The following CCDC171 variants were observed in gnomAD, a reference collection of about 807,000 sequenced individuals.
CCDC171 encodes the protein coiled-coil domain containing 171.
A neutral mutation model predicts 168.2 loss-of-function variants in CCDC171; 177 were observed. The ratio of observed to expected loss-of-function variants is 1.05; its 90% CI spans 0.93 to 1.19. CCDC171 has a LOEUF of 1.19. Among genes scored for constraint, CCDC171 ranks in the 50% most tolerant of loss-of-function variants. The pLI is 0.00. For missense variants in CCDC171, 1,991 were observed against 1,539.0 expected, an observed-to-expected ratio of 1.29 and a Z score of -4.91; for synonymous variants, 687 against 540.8, an observed-to-expected ratio of 1.27 and a Z score of -3.75.
chr9:15,732,234 T>A (rs1414909175), intron 16 of CCDC171, among the ~76,000 whole-genome samples: 1 of 152,126 alleles, frequency 6.6e-6, no homozygotes, highest in Admixed American at 6.6e-5. Flanking sequence ...TATTTGTTTA[T>A]ATATGTGAAA....
At chr9:15,608,899 A>G (rs2043423678) in intron 6 of CCDC171, among the ~76,000 whole-genome samples, 1 of 123,182 alleles carries the variant, frequency 8.1e-6, no homozygotes. Context: ...TCAAGGCTGC[A>G]TTGTCCTATG....
At chr9:15,810,497 T>C (rs900766443) in intron 21 of CCDC171, among the ~76,000 whole-genome samples, 1 of 21,540 alleles carries the variant, frequency 4.6e-5, no homozygotes, top group African/African-American at 2.0e-4. Context: ...CGCCATGGGG[T>C]GGGGGGGTGG....
chr9:15,961,616 T>C (rs1440357173), intron 25 of CCDC171, among the ~76,000 whole-genome samples: 2 of 152,128 alleles, frequency 1.3e-5, no homozygotes, highest in Non-Finnish European at 2.9e-5. Flanking sequence ...TTTCCAAACA[T>C]GAAAAACACT....
At chr9:15,560,418 G>C (rs551990736) in intron 1 of CCDC171, among the ~76,000 whole-genome samples, 1 of 152,024 alleles carries the variant, frequency 6.6e-6, no homozygotes, top group Non-Finnish European at 1.5e-5. Context: ...TGGAGGCTTT[G>C]TTCATTTCTT....
intron 24 of CCDC171, among the ~76,000 whole-genome samples, chr9:15,902,230 C>G (rs1275040132): frequency 6.9e-6 from 1 of 145,972 alleles, no homozygotes; most frequent in African/African-American, 2.5e-5. Context: ...CAAAATGATA[C>G]AAAGCTATAA....
chr9:15,784,620 G>A lies in CCDC171; in HGVS notation c.3193G>A (p.Glu1065Lys), dbSNP rs746234419. The change falls in exon 21 of 26, where the codon GAA (glutamate) becomes AAA (lysine). Residue 1065 changes from glutamate to lysine, a missense_variant. By Grantham distance (56) the Glu-to-Lys change is moderately conservative. Coordinates refer to ENST00000380701, the MANE Select transcript of CCDC171 (RefSeq NM_173550.4). The part of the protein sequence containing the change: ...LLNEQAQQLQ[E>K]LNYKLELHSS... ...GAATGAACAGGCACAACAACTACAG[G>A]AATTGAATTATAAACTTGAATTGCA... is the stretch of plus-strand genomic sequence containing the variant. 1.2e-5 allele frequency: 19 copies of A among 1,613,248 alleles called. No individual in the cohort carries two copies. Among genetic ancestry groups the A allele is most frequent in the Non-Finnish European group, 1.5e-5 (18 of 1,179,548 alleles).
chr9:16,049,172 A>G (rs1320384256), intron 1 of CCDC171, among the ~76,000 whole-genome samples: 1 of 152,182 alleles, frequency 6.6e-6, no homozygotes, highest in Admixed American at 6.5e-5. Context: ...TGCATGCAGG[A>G]TTACTGCATT....
chr9:15,813,316 A>G (rs2059433098), intron 21 of CCDC171, among the ~76,000 whole-genome samples: 1 of 152,236 alleles, frequency 6.6e-6, no homozygotes, highest in Admixed American at 6.5e-5. Flanking sequence ...TGTTAAAGAT[A>G]GTGGAACTAC....
At chr9:16,076,351 A>G in the CCDC171 span, among the ~76,000 whole-genome samples, 2 of 152,172 alleles carry the variant, frequency 1.3e-5, no homozygotes, top group African/African-American at 2.4e-5. Flanking sequence ...TCCACCATGT[A>G]TTTAGTCAAC....
intron 12 of CCDC171, 71 bp from the exon 13 acceptor site, chr9:15,723,610 C>T (rs757345998): frequency 9.6e-7 from 1 of 1,040,248 alleles, no homozygotes; most frequent in Non-Finnish European, 1.5e-6. Flanking sequence ...TTTGAGTTAC[C>T]CATCCTTGAA....
intron 19 of CCDC171, among the ~76,000 whole-genome samples, chr9:15,778,678 G>C (rs1396531490): frequency 7.0e-6 from 1 of 142,702 alleles, no homozygotes; most frequent in East Asian, 2.1e-4. Flanking sequence ...CATGACATTA[G>C]TGCTAAATTT....
chr9:15,621,370 T>C (rs2044491800), intron 6 of CCDC171, among the ~76,000 whole-genome samples: 1 of 152,246 alleles, frequency 6.6e-6, no homozygotes. Context: ...CATTTGCAAT[T>C]TTTTGGAAAC....
intron 3 of CCDC171, among the ~76,000 whole-genome samples, chr9:16,004,469 G>A (rs1589316648): frequency 6.6e-6 from 1 of 152,354 alleles, no homozygotes; most frequent in East Asian, 1.9e-4. Context: ...TGGTGGCCCA[G>A]TGGGGAAATC....
chr9:16,048,596 G>A (rs1286896721), intron 1 of CCDC171, among the ~76,000 whole-genome samples: 1 of 152,182 alleles, frequency 6.6e-6, no homozygotes, highest in African/African-American at 2.4e-5. Context: ...TAGAACCTCA[G>A]TTCTGCCATT....
At chr9:15,948,474 C>G (rs1393217062) in intron 25 of CCDC171, among the ~76,000 whole-genome samples, 6 of 148,668 alleles carry the variant, frequency 4.0e-5, no homozygotes, top group Non-Finnish European at 7.5e-5. Flanking sequence ...TCTCCACATC[C>G]TCTCCAGCAC....
At position 15,649,706 on chromosome 9, in the gene CCDC171, C is replaced by G. The variant is rs867124419; in HGVS notation, c.823-7421C>G. ...AATCAAAACCACAATGAGATACCATCTCACACCAGTTAGAATGGCAATCAT... is the reference window on the plus strand; with the variant it reads ...AATCAAAACCACAATGAGATACCATGTCACACCAGTTAGAATGGCAATCAT... On this transcript the variant is annotated intron_variant, in intron 7 of 25. Coordinates refer to ENST00000380701, the MANE Select transcript of CCDC171 (RefSeq NM_173550.4). Among the ~76,000 whole-genome samples the G allele has an allele frequency of 2.1e-4, 32 of 152,274 alleles. No individual in the cohort carries two copies. The Middle Eastern group carries it at 0.01, about 49-fold the overall frequency.
At chr9:15,764,215 C>G (rs995824547) in intron 18 of CCDC171, among the ~76,000 whole-genome samples, 4 of 152,178 alleles carry the variant, frequency 2.6e-5, no homozygotes, top group Non-Finnish European at 4.4e-5. Context: ...TCCTTGTAAA[C>G]TATGGTAAGA....
At chr9:15,711,326 T>C (rs1456558650) in intron 11 of CCDC171, among the ~76,000 whole-genome samples, 1 of 152,202 alleles carries the variant, frequency 6.6e-6, no homozygotes, top group Non-Finnish European at 1.5e-5. Flanking sequence ...TTCTTCATCT[T>C]GTACACTTCT....
chr9:15,588,157 C>A (rs1350721683), intron 4 of CCDC171, among the ~76,000 whole-genome samples: 1 of 152,074 alleles, frequency 6.6e-6, no homozygotes, highest in Admixed American at 6.6e-5. Context: ...ATCACTTGAA[C>A]CTGGGCGGCA....
Sources: allele counts gnomAD v4.1 joint callset (sites outside exome capture counted in the v4.1 genomes callset), GRCh38; gene constraint gnomAD v4.1.1; transcripts MANE v1.5; gene names NCBI Gene and HGNC (gene_info 2026-07-23, HGNC 2026-07-21).